Variants in FBXL7 observed in about 807,000 individuals in gnomAD.
FBXL7 encodes the protein F-box and leucine rich repeat protein 7, also known as F-box/LRR-repeat protein 7.
In FBXL7, 12 loss-of-function variants were observed where a neutral mutation model predicts 38.3. The ratio of observed to expected loss-of-function variants is 0.31; its 90% CI spans 0.20 to 0.51. The LOEUF (loss-of-function observed/expected upper bound fraction) is 0.51. FBXL7 is among the 20% of genes least tolerant of loss of function. The pLI, the probability that FBXL7 is intolerant of heterozygous loss-of-function variation, is 0.98. For synonymous variants in FBXL7, 297 were observed against 300.9 expected (o/e 0.99, Z 0.13); for missense variants, 567 against 676.4 (o/e 0.84, Z 1.79).
chr5:15,774,796 T>C (rs768123224), intron 2 of FBXL7, among the ~76,000 whole-genome samples: 21 of 152,156 alleles, frequency 1.4e-4, no homozygotes, highest in Non-Finnish European at 2.6e-4. Context: ...AATTTGGAGG[T>C]GAAAGTGGGT....
intron 2 of FBXL7, among the ~76,000 whole-genome samples, chr5:15,690,494 G>A (rs1246696865): frequency 6.6e-6 from 1 of 151,986 alleles, no homozygotes; most frequent in Non-Finnish European, 1.5e-5. Context: ...TCAAATCAGG[G>A]AATTATATTC....
intron 2 of FBXL7, among the ~76,000 whole-genome samples, chr5:15,621,387 G>A (rs887177867): frequency 6.6e-6 from 1 of 152,072 alleles, no homozygotes; most frequent in Non-Finnish European, 1.5e-5. Flanking sequence ...CTTTCCAGTT[G>A]TGTTACTATT....
intron 2 of FBXL7, among the ~76,000 whole-genome samples, chr5:15,710,155 C>G (rs1743817079): frequency 6.6e-6 from 1 of 152,100 alleles, no homozygotes; most frequent in Non-Finnish European, 1.5e-5. Context: ...TCCTCTGCTG[C>G]CAAAAACCCC....
intron 1 of FBXL7, among the ~76,000 whole-genome samples, chr5:15,578,164 A>G (rs1310912151): frequency 6.6e-6 from 1 of 152,176 alleles, no homozygotes; most frequent in African/African-American, 2.4e-5. Context: ...TATACTGGGA[A>G]AGTGCCTAGA....
At chr5:15,892,321 G>GA (rs535206528) in intron 2 of FBXL7, among the ~76,000 whole-genome samples, 2 of 152,336 alleles carry the variant, frequency 1.3e-5, no homozygotes, top group South Asian at 2.1e-4. Flanking sequence ...AGATGATGTG[G>GA]AACCATGCAT....
intron 1 of FBXL7, 89 bp from the exon 2 acceptor site, chr5:15,615,894 T>G: frequency 1.3e-6 from 1 of 766,794 alleles, no homozygotes; most frequent in Non-Finnish European, 2.2e-6. Flanking sequence ...TGGAAACTGG[T>G]GATATGGCTT....
chr5:15,572,628 A>G (rs961917174), intron 1 of FBXL7, among the ~76,000 whole-genome samples: 4 of 152,008 alleles, frequency 2.6e-5, no homozygotes, highest in African/African-American at 9.7e-5. Context: ...TCCATGTGGG[A>G]ATTTAGAGCC....
At chr5:15,653,202 AT>A (rs1741768904) in intron 2 of FBXL7, among the ~76,000 whole-genome samples, 1 of 152,228 alleles carries the variant, frequency 6.6e-6, no homozygotes, top group African/African-American at 2.4e-5. Context: ...TATTGTGAGA[AT>A]TATGAAAATA....
intron 1 of FBXL7, among the ~76,000 whole-genome samples, chr5:15,500,940 G>C (rs1447084669): frequency 6.6e-6 from 1 of 152,178 alleles, no homozygotes; most frequent in African/African-American, 2.4e-5. Context: ...TTCCCAGTTT[G>C]TCTTTGGGAA....
At chr5:15,500,739 T>C (rs1237215584) in intron 1 of FBXL7, 26 bp downstream of exon 1, 1 of 1,601,780 alleles carries the variant, frequency 6.2e-7, no homozygotes, top group Non-Finnish European at 8.5e-7. Flanking sequence ...GTCCTCAGAC[T>C]CCCGGATCGC....
intron 1 of FBXL7, 89 bp downstream of exon 1, chr5:15,500,802 C>T (rs762908991): frequency 9.9e-6 from 15 of 1,515,494 alleles, no homozygotes; most frequent in Middle Eastern, 1.7e-4. Context: ...GGTTCTCGCC[C>T]GCGGCCGTGA....
intron 1 of FBXL7, among the ~76,000 whole-genome samples, chr5:15,585,245 C>T (rs1398962737): frequency 2.0e-5 from 3 of 152,146 alleles, no homozygotes; most frequent in African/African-American, 7.2e-5. Flanking sequence ...CAGAAATGTA[C>T]ACTGAGACCA....
At chr5:15,591,559 GGC>G (rs763151883) in intron 1 of FBXL7, among the ~76,000 whole-genome samples, 8 of 152,092 alleles carry the variant, frequency 5.3e-5, no homozygotes, top group Non-Finnish European at 1.2e-4. Flanking sequence ...GTAAATGGAA[GGC>G]CTAGGACCAA....
At chr5:15,500,852 C>T (rs1471206365) in intron 1 of FBXL7, 139 bp downstream of exon 1, 2 of 1,037,710 alleles carry the variant, frequency 1.9e-6, no homozygotes, top group East Asian at 5.2e-5. Flanking sequence ...ACCACCTTCT[C>T]CTTTGGCAGT....
chr5:15,888,966 G>T (rs896735415), intron 2 of FBXL7, among the ~76,000 whole-genome samples: 5 of 152,094 alleles, frequency 3.3e-5, no homozygotes, highest in African/African-American at 1.2e-4. Flanking sequence ...TATTATCCTT[G>T]GCACTGCCAG....
chr5:15,920,072 C>T (rs1007705404), intron 2 of FBXL7, among the ~76,000 whole-genome samples: 2 of 152,170 alleles, frequency 1.3e-5, no homozygotes, highest in Admixed American at 1.3e-4. Context: ...GCCTGACCAA[C>T]ATGGTGAAAC....
chr5:15,547,379 G>T (rs958748275), intron 1 of FBXL7, among the ~76,000 whole-genome samples: 1 of 152,194 alleles, frequency 6.6e-6, no homozygotes, highest in Non-Finnish European at 1.5e-5. Context: ...TGAAGAGCAG[G>T]AGTCCGTGAC....
intron 2 of FBXL7, among the ~76,000 whole-genome samples, chr5:15,832,347 A>C (rs749455443): frequency 1.3e-5 from 2 of 152,192 alleles, no homozygotes; most frequent in Admixed American, 6.5e-5. Flanking sequence ...TTGTTTTTAC[A>C]AATCCTAGAA....
chr5:15,920,713 G>T (rs934816306), intron 2 of FBXL7, among the ~76,000 whole-genome samples: 2 of 152,008 alleles, frequency 1.3e-5, no homozygotes, highest in Non-Finnish European at 2.9e-5. Flanking sequence ...TAGAGATGGG[G>T]TTTCACCATG....
Sources: gnomAD v4.1 joint callset for allele counts (sites outside exome capture counted in the v4.1 genomes callset) on GRCh38, gnomAD v4.1.1 for gene constraint, MANE v1.5 for transcripts, NCBI Gene and HGNC (gene_info 2026-07-23, HGNC 2026-07-21) for gene names.